Variants in TMEM94 observed in about 807,000 individuals in gnomAD.
TMEM94 encodes the protein ER Mg2+ ATPase.
Under a neutral mutation model 158.6 loss-of-function variants are expected in TMEM94, and 81 were observed. The ratio of observed to expected loss-of-function variants is 0.51; its 90% CI spans 0.43 to 0.61. The LOEUF (loss-of-function observed/expected upper bound fraction) is 0.61, where lower values mean the gene tolerates loss of function less well. Ranked by LOEUF, TMEM94 falls within the 20% of genes least tolerant of loss-of-function variation. TMEM94 has a pLI of 0.00. For missense variants in TMEM94, 1,435 were observed against 1,762.0 expected, an observed-to-expected ratio of 0.81 and a Z score of 3.32; for synonymous variants, 751 against 730.7, an observed-to-expected ratio of 1.03 and a Z score of -0.45.
In TMEM94 at chr17:75,485,788, G is replaced by C. The variant is rs1214576440; in HGVS notation, c.145-83G>C. 1 of 1,495,192 alleles carries C rather than the reference G, an allele frequency of 6.7e-7. No homozygotes were observed. The highest frequency in any genetic ancestry group is 9.0e-7 in the Non-Finnish European group (1 of 1,112,262). The allele number at this position is 1,495,192 out of a possible 1,614,324, so 92.6% of individuals were successfully genotyped here. The stretch of plus-strand genomic sequence containing the variant: ...AGAGAGGGGACCAAGGCGGCCATGG[G>C]GGCTGGGAAGGGTGCCGGGGGAGGC... On this transcript the variant is annotated intron_variant, in intron 3 of 31. Transcript: ENST00000314256. The surrounding 1 kb of genome is among the most constrained non-coding windows in gnomAD (Gnocchi z 5.5).
rs1471257745 is a variant in TMEM94, at chr17:75,499,406, G to A, written c.*72G>A. On this transcript the variant is annotated 3_prime_UTR_variant, in exon 32 of 32. Transcript: ENST00000314256. ...GCCAGACCCATTTCTGAACAGGGGAGTTTGTATCATGAATGTTTCCAGGTT... is the reference window on the plus strand; with the variant it reads ...GCCAGACCCATTTCTGAACAGGGGAATTTGTATCATGAATGTTTCCAGGTT... 2.1e-6 allele frequency: 3 copies of A among 1,420,616 alleles called. No homozygotes were observed. The East Asian group carries it at 6.8e-5, about 32-fold the overall frequency. The allele number at this position is 1,420,616 out of a possible 1,614,324, so 88.0% of individuals were successfully genotyped here.
chr17:75,458,954 G>A (rs1406526145), intron 1 of TMEM94, among the ~76,000 whole-genome samples: 2 of 151,512 alleles, frequency 1.3e-5, no homozygotes, highest in Admixed American at 6.6e-5. Context: ...CTACTTGGGA[G>A]GCTGAGGCAG....
Position 75,489,443 on chromosome 17 carries a change from T to G in TMEM94, c.867+75T>G. The G allele has an allele frequency of 3.3e-6, 5 of 1,514,026 alleles. No homozygotes were observed. Among genetic ancestry groups the G allele is most frequent in the Non-Finnish European group, 3.7e-6 (4 of 1,090,236 alleles). The allele number at this position is 1,514,026 out of a possible 1,614,324, so 93.8% of individuals were successfully genotyped here. A position where few individuals can be genotyped will look rare whatever the true frequency, so the allele number is the denominator to read the frequency against. On this transcript the variant is annotated intron_variant, in intron 8 of 31. Coordinates refer to ENST00000314256, the MANE Select transcript of TMEM94 (RefSeq NM_014738.6). This position sits in a 1 kb window ranked among gnomAD's most constrained non-coding sequence, Gnocchi z 5.0. ...GGACACGGGGGGGTCTCAGGGCCAC[T>G]CACATGAGCGGGAGTGAATGCAGAG...
Position 75,492,440 on chromosome 17 carries a change from C to T in TMEM94, c.1597-34C>T, listed in dbSNP as rs775642857. ...CAGTGCTGGCTTCCCCACACCCTAT[C>T]CCGGGCTGAGGCTCTCCTCCACATT... On this transcript the variant is annotated intron_variant, in intron 14 of 31. Coordinates refer to ENST00000314256, the MANE Select transcript of TMEM94 (RefSeq NM_014738.6). The surrounding 1 kb of genome is among the most constrained non-coding windows in gnomAD (Gnocchi z 4.4). The T allele has an allele frequency of 1.3e-6, 2 of 1,552,436 alleles. No individual in the cohort carries two copies. Among genetic ancestry groups the T allele is most frequent in the Non-Finnish European group, 1.7e-6 (2 of 1,145,870 alleles).
chr17:75,459,015 C>G (rs2049981470), intron 1 of TMEM94, among the ~76,000 whole-genome samples: 1 of 151,294 alleles, frequency 6.6e-6, no homozygotes. Context: ...CGAGATCGCG[C>G]CACTGCACTC....
rs376955657 is a variant in TMEM94, at chr17:75,492,803, T to C, written c.1912+14T>C. The C allele has an allele frequency of 1.4e-5, 23 of 1,592,638 alleles. No individual in the cohort carries two copies. The highest frequency in any genetic ancestry group is 1.7e-5 in the Admixed American group (1 of 59,346). ...CCCGCCTCATTGGTACAGGTCCCCA[T>C]GGCAGGGGATGGCTGGCTGGACCCG... is the stretch of plus-strand genomic sequence containing the variant. On this transcript the variant is annotated intron_variant, in intron 15 of 31. Transcript: ENST00000314256. The surrounding 1 kb of genome is among the most constrained non-coding windows in gnomAD (Gnocchi z 4.4).
intron 1 of TMEM94, among the ~76,000 whole-genome samples, chr17:75,468,808 G>A (rs1264218118): frequency 1.3e-5 from 2 of 152,136 alleles, no homozygotes; most frequent in Non-Finnish European, 2.9e-5. Context: ...TTTCTTGACA[G>A]CTTTTTTCTG....
At position 75,491,814 on chromosome 17, in the gene TMEM94, A is replaced by G. The variant is rs946851437; in HGVS notation, c.1510A>G (p.Lys504Glu). 1 of 1,614,072 alleles carries G rather than the reference A, an allele frequency of 6.2e-7. No individual in the cohort carries two copies. The highest frequency in any genetic ancestry group is 1.7e-5 in the Admixed American group (1 of 60,024). The change falls in exon 14 of 32, where the codon AAA (lysine) becomes GAA (glutamate). Residue 504 changes from lysine to glutamate, a missense_variant. Coordinates refer to ENST00000314256, the MANE Select transcript of TMEM94 (RefSeq NM_014738.6). The surrounding 1 kb of genome is among the most constrained non-coding windows in gnomAD (Gnocchi z 5.1). ...GCCCCCCGAGCCCTATTCACACCAC[A>G]AAGCGCATGGCCGCAGCAAACACCC... is the stretch of plus-strand genomic sequence containing the variant. ...PKPPEPYSHHKAHGRSKHPSG... is the reference protein window; with the variant it reads ...PKPPEPYSHHEAHGRSKHPSG...
In TMEM94 at chr17:75,492,473, G is replaced by T; in HGVS notation, c.1597-1G>T. ...GAGGCTCTCCTCCACATTTCCCCCA[G>T]ACCCAGCCTGGGATGGAGAGCGACC... On this transcript the variant is annotated splice_acceptor_variant, in intron 14 of 31. Coordinates refer to ENST00000314256, the MANE Select transcript of TMEM94 (RefSeq NM_014738.6). LOFTEE classifies it high-confidence loss of function. This position sits in a 1 kb window ranked among gnomAD's most constrained non-coding sequence, Gnocchi z 4.4. 3 of 1,572,674 alleles carry T rather than the reference G, an allele frequency of 1.9e-6. No homozygotes were observed. Among genetic ancestry groups the T allele is most frequent in the South Asian group, 2.4e-5 (2 of 84,252 alleles).
At chr17:75,466,492 A>G (rs6416846) in intron 1 of TMEM94, among the ~76,000 whole-genome samples, 128,215 of 152,138 alleles carry the variant, frequency 0.84, 54,787 homozygotes, top group African/African-American at 0.93. Context: ...GCCAATTTCT[A>G]TGGAAGTCCC....
rs151222700 is a variant in TMEM94 at position 75,492,861 on chromosome 17, C to T, written c.1913-68C>T. On this transcript the variant is annotated intron_variant, in intron 15 of 31. Transcript: ENST00000314256. This position sits in a 1 kb window ranked among gnomAD's most constrained non-coding sequence, Gnocchi z 4.4. ...GAAGAGGCCCAGTACCAACTCCTCA[C>T]GGGACTTAATGGACCTGGCAGGGTA... The T allele has an allele frequency of 1.5e-4, 239 of 1,583,454 alleles. 1 individual carries two copies. In the African/African-American group the frequency reaches 2.5e-3, roughly 17 times the overall value.
Position 75,489,767 on chromosome 17 carries a change from C to A in TMEM94, c.954+105C>A. Reference sequence around the variant, plus strand: ...CTCCCTCTCTGCAGCCCAGAGGTCCCCTCACGCTTCAGCTTAAGAACACCT... The same window carrying A: ...CTCCCTCTCTGCAGCCCAGAGGTCCACTCACGCTTCAGCTTAAGAACACCT... On this transcript the variant is annotated intron_variant, in intron 9 of 31. Transcript: ENST00000314256. This position sits in a 1 kb window ranked among gnomAD's most constrained non-coding sequence, Gnocchi z 5.0. The A allele has an allele frequency of 2.0e-6, 2 of 977,812 alleles. No individual in the cohort carries two copies. Among genetic ancestry groups the A allele is most frequent in the South Asian group, 1.4e-5 (1 of 73,930 alleles). The allele number at this position is 977,812 out of a possible 1,614,324, so 60.6% of individuals were successfully genotyped here.
intron 1 of TMEM94, among the ~76,000 whole-genome samples, chr17:75,457,139 A>G (rs1231590000): frequency 6.6e-6 from 1 of 152,112 alleles, no homozygotes; most frequent in African/African-American, 2.4e-5. Flanking sequence ...CCCGACCTAA[A>G]TAAAGACCGT....
Position 75,463,098 on chromosome 17 carries a change from ATATG to A in TMEM94, c.-107+6349_-107+6352del, listed in dbSNP as rs1358441114. Among the ~76,000 whole-genome samples, 30 of 12,348 alleles carry A rather than the reference ATATG, an allele frequency of 2.4e-3. 2 individuals carry two copies. The African/African-American group carries it at 0.037, about 15-fold the overall frequency. 8.1% of individuals were successfully genotyped at this position (12,348 alleles called of 152,430 possible). On this transcript the variant is annotated intron_variant, in intron 1 of 31. Transcript: ENST00000314256. The stretch of plus-strand genomic sequence containing the variant: ...TATATATACACACACACACACATAT[ATATG>A]TGTGTATATATATGTATATATATAC...
At chr17:75,472,522 G>T (rs555694403) in intron 2 of TMEM94, among the ~76,000 whole-genome samples, 12 of 152,298 alleles carry the variant, frequency 7.9e-5, no homozygotes, top group African/African-American at 2.6e-4. Flanking sequence ...TTTGTCTCTT[G>T]CCTAGCTTCT....
Position 75,493,759 on chromosome 17 carries a change from C to T in TMEM94, c.2250C>T (p.Ala750=), listed in dbSNP as rs2052430845. 3 of 1,614,146 alleles carry T rather than the reference C, an allele frequency of 1.9e-6. No individual in the cohort carries two copies. The highest frequency in any genetic ancestry group is 1.7e-6 in the Non-Finnish European group (2 of 1,180,036). Residue 750 remains alanine (A), a synonymous_variant, in exon 18 of 32, where the codon GCC becomes GCT. Coordinates refer to ENST00000314256, the MANE Select transcript of TMEM94 (RefSeq NM_014738.6). ...TGTCTGGGTATTGCTCTGCCTTCGC[C>T]TACAAGCCCATGAACTGCGCCCTGT... ...ACLSGYCSAF[A]YKPMNCALSS... is the part of the protein sequence containing the mutation.
chr17:75,465,677 ATATTTT>A (rs200725333), intron 1 of TMEM94, among the ~76,000 whole-genome samples: 4,306 of 84,142 alleles, frequency 0.051, 146 homozygotes, highest in South Asian at 0.18. Context: ...ATATATATAT[ATATTTT>A]TTTTTAATCC....
rs555417128 is a variant in TMEM94, at chr17:75,489,573, C to T, written c.868-3C>T. 6.2e-7 allele frequency: 1 copy of T among 1,613,858 alleles called. No homozygotes were observed. The highest frequency in any genetic ancestry group is 8.5e-7 in the Non-Finnish European group (1 of 1,179,814). ...AAGGCTGTGCCTCTGCTGTTCCCAA[C>T]AGGCCGGCTTCCTCATCACCAATGC... is the stretch of plus-strand genomic sequence containing the variant. On this transcript the variant is annotated splice_region_variant and splice_polypyrimidine_tract_variant and intron_variant, in intron 8 of 31. Coordinates refer to ENST00000314256, the MANE Select transcript of TMEM94 (RefSeq NM_014738.6). The surrounding 1 kb of genome is among the most constrained non-coding windows in gnomAD (Gnocchi z 5.0).
rs2052194691 is a variant in TMEM94, at chr17:75,491,629, C to T, written c.1387-62C>T. On this transcript the variant is annotated intron_variant, in intron 13 of 31. Coordinates refer to ENST00000314256, the MANE Select transcript of TMEM94 (RefSeq NM_014738.6). The surrounding 1 kb of genome is among the most constrained non-coding windows in gnomAD (Gnocchi z 5.1). Reference sequence around the variant, plus strand: ...ACAAGGCAGCCAGGGGACCTAGAAGCATCCTGCCTCCCCAGGCCATGGGAG... The same window carrying T: ...ACAAGGCAGCCAGGGGACCTAGAAGTATCCTGCCTCCCCAGGCCATGGGAG... 1.2e-5 allele frequency: 19 copies of T among 1,570,892 alleles called. No homozygotes were observed. The highest frequency in any genetic ancestry group is 1.7e-5 in the Non-Finnish European group (19 of 1,146,476).
Sources: allele counts gnomAD v4.1 joint callset (sites outside exome capture counted in the v4.1 genomes callset), GRCh38; gene constraint gnomAD v4.1.1; non-coding constraint Gnocchi (gnomAD v3.1); transcripts MANE v1.5; gene names NCBI Gene and HGNC (gene_info 2026-07-23, HGNC 2026-07-21).